The following MRPS9 variants were observed in gnomAD, a reference collection of about 807,000 sequenced individuals.
The protein encoded by MRPS9 is small ribosomal subunit protein uS9m.
MRPS9 carries 45 observed loss-of-function variants against 59.9 expected under a neutral mutation model. The ratio of observed to expected loss-of-function variants is 0.75; its 90% CI spans 0.59 to 0.96. MRPS9 has a LOEUF of 0.96. Ranked by LOEUF, MRPS9 falls within the 40% of genes least tolerant of loss-of-function variation. The probability of loss-of-function intolerance (pLI) is 0.00; values close to 1 mark genes in which losing one functional copy is unlikely to be tolerated. For missense variants in MRPS9, 473 were observed against 481.1 expected (o/e 0.98, Z 0.16); for synonymous variants, 171 against 166.8 (o/e 1.03, Z -0.19).
chr2:105,038,237 G>A lies in MRPS9; in HGVS notation c.135+10G>A. 1 of 1,607,954 alleles carries A rather than the reference G, an allele frequency of 6.2e-7. No homozygotes were observed. Among genetic ancestry groups the A allele is most frequent in the South Asian group, 1.1e-5 (1 of 89,892 alleles). ...AAATGTCAGATCCCAGGTAAGGCCT[G>A]GGAAGACTGGAAGCGGCTTACCTCT... On this transcript the variant is annotated intron_variant, in intron 1 of 10. Transcript: ENST00000258455.
intron 4 of MRPS9, among the ~76,000 whole-genome samples, chr2:105,074,008 A>C (rs1680163710): frequency 1.3e-5 from 2 of 152,226 alleles, no homozygotes; most frequent in African/African-American, 2.4e-5. Flanking sequence ...AAACCTAACG[A>C]ATTCCAAGTA....
At chr2:105,090,047 A>G (rs1466320886) in intron 7 of MRPS9, 52 bp downstream of exon 7, 1 of 1,012,072 alleles carries the variant, frequency 9.9e-7, no homozygotes, top group Non-Finnish European at 1.5e-6. Flanking sequence ...AAGAATACAG[A>G]CAATTGCTGT....
At chr2:105,051,769 A>G (rs1409324266) in intron 2 of MRPS9, among the ~76,000 whole-genome samples, 1 of 149,528 alleles carries the variant, frequency 6.7e-6, no homozygotes, top group African/African-American at 2.4e-5. Context: ...TGTTAAATTT[A>G]TTTCTAAGTA....
chr2:105,079,934 T>A (rs1680294972), intron 4 of MRPS9, 49 bp from the exon 5 acceptor site: 2 of 1,360,168 alleles, frequency 1.5e-6, no homozygotes, highest in Non-Finnish European at 2.1e-6. Context: ...CTATTTGGTC[T>A]GTCTCTGTGT....
chr2:105,097,484 T>G, intron 10 of MRPS9, 160 bp downstream of exon 10: 1 of 641,068 alleles, frequency 1.6e-6, no homozygotes, highest in Non-Finnish European at 2.3e-6. Flanking sequence ...TAACAGTATT[T>G]CTCAGATTTG....
intron 2 of MRPS9, among the ~76,000 whole-genome samples, chr2:105,053,106 T>A (rs1462147690): frequency 6.6e-6 from 1 of 152,194 alleles, no homozygotes; most frequent in Non-Finnish European, 1.5e-5. Flanking sequence ...CATATGTAGC[T>A]TATTGAAAAA....
intron 1 of MRPS9, among the ~76,000 whole-genome samples, chr2:105,045,402 G>C (rs1679574422): frequency 2.0e-5 from 3 of 148,596 alleles, no homozygotes; most frequent in Admixed American, 6.7e-5. Context: ...AAAATGTAAA[G>C]ATTAAATAAG....
At chr2:105,044,371 G>A (rs1204320245) in intron 1 of MRPS9, among the ~76,000 whole-genome samples, 1 of 152,154 alleles carries the variant, frequency 6.6e-6, no homozygotes, top group Non-Finnish European at 1.5e-5. Flanking sequence ...TCCTTTGAAT[G>A]TAAATATTTT....
At chr2:105,068,874 T>A (rs1680052106) in intron 2 of MRPS9, among the ~76,000 whole-genome samples, 1 of 152,220 alleles carries the variant, frequency 6.6e-6, no homozygotes, top group South Asian at 2.1e-4. Context: ...TTGTTTTCAG[T>A]ATTTTGTTCT....
intron 1 of MRPS9, among the ~76,000 whole-genome samples, chr2:105,040,822 A>G (rs1679488385): frequency 6.6e-6 from 1 of 152,248 alleles, no homozygotes. Context: ...TGCCTGAGTC[A>G]GACTAGAGTT....
chr2:105,058,589 G>C (rs1213935598), intron 2 of MRPS9, among the ~76,000 whole-genome samples: 1 of 151,832 alleles, frequency 6.6e-6, no homozygotes, highest in Non-Finnish European at 1.5e-5. Flanking sequence ...TTTAAAATTT[G>C]CATTCTTACT....
At chr2:105,072,828 A>C (rs903444155) in intron 4 of MRPS9, among the ~76,000 whole-genome samples, 17 of 151,180 alleles carry the variant, frequency 1.1e-4, no homozygotes, top group Admixed American at 6.6e-4. Flanking sequence ...GATAACTTTT[A>C]GTTTGAATCT....
intron 2 of MRPS9, among the ~76,000 whole-genome samples, chr2:105,054,490 A>G (rs1323941939): frequency 6.6e-6 from 1 of 152,238 alleles, no homozygotes; most frequent in East Asian, 1.9e-4. Flanking sequence ...TTTCCTTGAC[A>G]CCAGTGACAT....
Position 105,038,228 on chromosome 2 carries a change from G to C in MRPS9, c.135+1G>C. 1 of 1,610,080 alleles carries C rather than the reference G, an allele frequency of 6.2e-7. No individual in the cohort carries two copies. The highest frequency in any genetic ancestry group is 1.1e-5 in the South Asian group (1 of 90,232). On this transcript the variant is annotated splice_donor_variant, in intron 1 of 10. Transcript: ENST00000258455. LOFTEE classifies it high-confidence loss of function. ...GTTGCAAACAAATGTCAGATCCCAG[G>C]TAAGGCCTGGGAAGACTGGAAGCGG...
intron 5 of MRPS9, among the ~76,000 whole-genome samples, chr2:105,081,594 G>A (rs1403263879): frequency 6.6e-6 from 1 of 152,102 alleles, no homozygotes; most frequent in Non-Finnish European, 1.5e-5. Flanking sequence ...TCATAATGAG[G>A]AAATTACACA....
At chr2:105,088,109 C>CA (rs374505636) in intron 5 of MRPS9, among the ~76,000 whole-genome samples, 3,716 of 88,110 alleles carry the variant, frequency 0.042, 54 homozygotes, top group Non-Finnish European at 0.058. Flanking sequence ...TCATGATTAG[C>CA]AAAAAAAAAA....
At chr2:105,070,761 A>G (rs76019066) in intron 2 of MRPS9, among the ~76,000 whole-genome samples, 2,692 of 152,282 alleles carry the variant, frequency 0.018, 81 homozygotes, top group African/African-American at 0.062. Context: ...TGCAGTATGG[A>G]AAAAGGGTGC....
chr2:105,079,595 T>G (rs999152585), intron 4 of MRPS9, among the ~76,000 whole-genome samples: 3 of 152,186 alleles, frequency 2.0e-5, no homozygotes, highest in African/African-American at 7.2e-5. Context: ...ATGCACTGCA[T>G]TTTTTTACTT....
intron 8 of MRPS9, 116 bp downstream of exon 8, chr2:105,092,685 A>G (rs1000319740): frequency 4.9e-5 from 49 of 990,712 alleles, no homozygotes; most frequent in Non-Finnish European, 6.5e-5. Flanking sequence ...TATTTTTGCT[A>G]CCGTTACTTT....
Sources: allele counts gnomAD v4.1 joint callset (sites outside exome capture counted in the v4.1 genomes callset), GRCh38; gene constraint gnomAD v4.1.1; transcripts MANE v1.5; gene names NCBI Gene and HGNC (gene_info 2026-07-23, HGNC 2026-07-21).